Variants in TBC1D22B observed in about 807,000 individuals in gnomAD.
TBC1D22B encodes the protein TBC1 domain family member 22B, also known as chromosome 6 open reading frame 197.
A neutral mutation model predicts 69.1 loss-of-function variants in TBC1D22B; 32 were observed. The observed-to-expected ratio is 0.46, with a 90% CI of 0.35 to 0.62. The LOEUF is 0.62. Ranked by LOEUF, TBC1D22B falls within the 20% of genes least tolerant of loss-of-function variation. The probability of loss-of-function intolerance (pLI) is 0.00; values close to 1 mark genes in which losing one functional copy is unlikely to be tolerated. For missense variants in TBC1D22B, 462 were observed against 630.9 expected (o/e 0.73, Z 2.87); for synonymous variants, 206 against 229.8 (o/e 0.90, Z 0.94).
chr6:37,298,311 A>G (rs1035918827), intron 8 of TBC1D22B, among the ~76,000 whole-genome samples: 3 of 152,138 alleles, frequency 2.0e-5, no homozygotes, highest in Non-Finnish European at 2.9e-5. Flanking sequence ...CTATGTATGG[A>G]TGGAGCTGCA....
Position 37,313,824 on chromosome 6 carries a change from C to G in TBC1D22B, c.1098C>G (p.Tyr366Ter), listed in dbSNP as rs759938070. 1 of 1,614,146 alleles carries G rather than the reference C, an allele frequency of 6.2e-7. No individual in the cohort carries two copies. Among genetic ancestry groups the G allele is most frequent in the Non-Finnish European group, 8.5e-7 (1 of 1,179,978 alleles). The change falls in exon 10 of 13, where the codon TAC (tyrosine) becomes TAG (stop). Residue 366 changes from tyrosine to a stop codon, truncating the protein, a stop_gained. Transcript: ENST00000373491. LOFTEE classifies it high-confidence loss of function. ...SKLLDGIQDNYTFAQPGIQKK... is the reference protein window; with the variant it reads ...SKLLDGIQDN ...CTCTGTGTCATTTGCAGGATAACTACACCTTTGCACAACCAGGAATCCAGA... is the reference window on the plus strand; with the variant it reads ...CTCTGTGTCATTTGCAGGATAACTAGACCTTTGCACAACCAGGAATCCAGA...
chr6:37,282,736 G>C (rs1408121763), intron 4 of TBC1D22B, 146 bp from the exon 5 acceptor site: 11 of 778,998 alleles, frequency 1.4e-5, no homozygotes, highest in Admixed American at 6.5e-5. Context: ...GCTCGGGGCT[G>C]TTTTGGGCTT....
At chr6:37,324,262 C>A (rs988912139) in intron 12 of TBC1D22B, 2 of 456,214 alleles carry the variant, frequency 4.4e-6, no homozygotes, top group African/African-American at 4.0e-5. Context: ...GTTGTGCCAG[C>A]CCTTATTGCA....
Position 37,278,541 on chromosome 6 carries a change from G to T in TBC1D22B, c.114-763G>T, listed in dbSNP as rs531137254. On this transcript the variant is annotated intron_variant, in intron 2 of 12. Coordinates refer to ENST00000373491, the MANE Select transcript of TBC1D22B (RefSeq NM_017772.4). ...AATGGGGGTGGGGTAAGGGCAGAGGGCAGGCTCCTCGACATAGTTACTGCT... is the reference window on the plus strand; with the variant it reads ...AATGGGGGTGGGGTAAGGGCAGAGGTCAGGCTCCTCGACATAGTTACTGCT... Among the ~76,000 whole-genome samples the T allele has an allele frequency of 2.6e-5, 4 of 152,240 alleles. No individual in the cohort carries two copies. The East Asian group carries it at 7.7e-4, about 29-fold the overall frequency.
chr6:37,327,301 AC>A (rs2113794943), intron 12 of TBC1D22B, among the ~76,000 whole-genome samples: 1 of 120,964 alleles, frequency 8.3e-6, no homozygotes, highest in East Asian at 2.1e-4. Flanking sequence ...ACACGGTGAA[AC>A]CCCGTCTCTA....
rs1307700128 is a variant in TBC1D22B at position 37,295,604 on chromosome 6, C to G, written c.982+4247C>G. On this transcript the variant is annotated intron_variant, in intron 8 of 12. Transcript: ENST00000373491. ...ATTCATCCAAATAATAAGAGAAACA[C>G]AATTGCAGTTGAGTTTACTATTATC... 34 of 438,252 alleles carry G rather than the reference C, an allele frequency of 7.8e-5. 1 individual carries two copies. The highest frequency in any genetic ancestry group is 1.4e-4 in the Non-Finnish European group (30 of 214,940). 27.1% of individuals were successfully genotyped at this position (438,252 alleles called of 1,614,324 possible). A position where few individuals can be genotyped will look rare whatever the true frequency, so the allele number is the denominator to read the frequency against.
intron 12 of TBC1D22B, among the ~76,000 whole-genome samples, chr6:37,325,955 A>G (rs978956598): frequency 4.6e-5 from 7 of 152,136 alleles, no homozygotes; most frequent in South Asian, 2.1e-4. Flanking sequence ...GTGGTTCCTT[A>G]CGGCTAAGCA....
chr6:37,294,831 A>G (rs965376200), intron 8 of TBC1D22B, among the ~76,000 whole-genome samples: 5 of 152,228 alleles, frequency 3.3e-5, no homozygotes, highest in Non-Finnish European at 5.9e-5. Context: ...ATGTACAAGG[A>G]GATTAATGTT....
chr6:37,318,530 A>G (rs1303590744), intron 12 of TBC1D22B, among the ~76,000 whole-genome samples: 1 of 152,172 alleles, frequency 6.6e-6, no homozygotes, highest in African/African-American at 2.4e-5. Flanking sequence ...CTTTGCCTAG[A>G]TGCTGCTTAA....
At chr6:37,292,281 G>T (rs1447662929) in intron 8 of TBC1D22B, among the ~76,000 whole-genome samples, 1 of 152,118 alleles carries the variant, frequency 6.6e-6, no homozygotes, top group Non-Finnish European at 1.5e-5. Flanking sequence ...GGGGTTAGAG[G>T]GTTGGGTAAT....
At chr6:37,307,054 C>T (rs1224722511) in intron 8 of TBC1D22B, among the ~76,000 whole-genome samples, 1 of 152,070 alleles carries the variant, frequency 6.6e-6, no homozygotes, top group Non-Finnish European at 1.5e-5. Flanking sequence ...GGGGCCTCTC[C>T]ACCCTCTCTA....
chr6:37,272,468 C>T (rs1766520179), intron 2 of TBC1D22B, among the ~76,000 whole-genome samples: 1 of 151,664 alleles, frequency 6.6e-6, no homozygotes, highest in African/African-American at 2.4e-5. Context: ...CTGAAGCTGT[C>T]CTCCTGCCTC....
chr6:37,259,405 T>C (rs535375184), intron 1 of TBC1D22B, among the ~76,000 whole-genome samples: 1 of 152,286 alleles, frequency 6.6e-6, no homozygotes, highest in African/African-American at 2.4e-5. Flanking sequence ...ACTGCTATTC[T>C]CTGGGGTTTT....
intron 6 of TBC1D22B, among the ~76,000 whole-genome samples, chr6:37,284,925 A>G (rs1766956388): frequency 6.6e-6 from 1 of 152,198 alleles, no homozygotes. Context: ...GGACTATGAC[A>G]TCAGTATGTC....
intron 2 of TBC1D22B, among the ~76,000 whole-genome samples, chr6:37,277,950 G>A (rs1766716286): frequency 1.3e-5 from 2 of 151,072 alleles, no homozygotes; most frequent in Non-Finnish European, 1.5e-5. Context: ...GCAACATAAT[G>A]AGACCCTTAT....
chr6:37,288,503 CGAGTTTGAGACCAGCCTGAGCCTAG>C (rs1388792242), intron 7 of TBC1D22B, among the ~76,000 whole-genome samples: 1 of 152,118 alleles, frequency 6.6e-6, no homozygotes, highest in Non-Finnish European at 1.5e-5. Context: ...CTTGAGCCCA[CGAGTTTGAGACCAGCCTGAGCCTAG>C]GAGTTTGAGA....
At chr6:37,276,440 A>G (rs1212025611) in intron 2 of TBC1D22B, among the ~76,000 whole-genome samples, 1 of 152,020 alleles carries the variant, frequency 6.6e-6, no homozygotes, top group Non-Finnish European at 1.5e-5. Context: ...CCTTAAAATC[A>G]TTTCTAGCAG....
Position 37,331,186 on chromosome 6 carries a change from CG to C in TBC1D22B, c.*18del, listed in dbSNP as rs751088378. The C allele has an allele frequency of 5.0e-6, 8 of 1,613,524 alleles. No individual in the cohort carries two copies. The highest frequency in any genetic ancestry group is 1.3e-5 in the African/African-American group (1 of 74,990). On this transcript the variant is annotated 3_prime_UTR_variant, in exon 13 of 13. Coordinates refer to ENST00000373491, the MANE Select transcript of TBC1D22B (RefSeq NM_017772.4). ...TACCGCCGATAGGTGCTGTCTCCTC[CG>C]GGGACCCAGACTGCCTTCATCTCTG... is the stretch of plus-strand genomic sequence containing the variant.
rs113661006 is a variant in TBC1D22B, at chr6:37,270,293, A to T, written c.113+643A>T. On this transcript the variant is annotated intron_variant, in intron 2 of 12. Coordinates refer to ENST00000373491, the MANE Select transcript of TBC1D22B (RefSeq NM_017772.4). The stretch of plus-strand genomic sequence containing the variant: ...ATGGTGAAACCCTGTCTCTGCTAAA[A>T]ATACAAAAATTGGCTGGGTTGGTGG... Among the ~76,000 whole-genome samples, 411 of 152,124 alleles carry T rather than the reference A, an allele frequency of 2.7e-3. 2 individuals are homozygous for T. The highest frequency in any genetic ancestry group is 9.1e-3 in the African/African-American group (379 of 41,500).
Sources: allele counts gnomAD v4.1 joint callset (sites outside exome capture counted in the v4.1 genomes callset), GRCh38; gene constraint gnomAD v4.1.1; transcripts MANE v1.5; gene names NCBI Gene and HGNC (gene_info 2026-07-23, HGNC 2026-07-21).